Variants in CDC42 observed in about 807,000 individuals in gnomAD.
CDC42 encodes the protein cell division control protein 42 homolog.
In CDC42, 1 loss-of-function variant was observed where a neutral mutation model predicts 20.8. The observed-to-expected ratio is 0.05, with a 90% CI of 0.02 to 0.23. The LOEUF is 0.23. Among genes scored for constraint, CDC42 ranks in the 10% least tolerant of loss-of-function variants. CDC42 has a pLI of 1.00. For missense variants in CDC42, 49 were observed against 227.9 expected (o/e 0.21, Z 5.05); for synonymous variants, 72 against 84.8 (o/e 0.85, Z 0.83).
chr1:22,084,335 GTT>G (rs61584354), intron 3 of CDC42, among the ~76,000 whole-genome samples: 349 of 80,666 alleles, frequency 4.3e-3, no homozygotes, highest in African/African-American at 0.012. Context: ...CTTATTTCCT[GTT>G]TTTTTTTTTT....
chr1:22,098,946 A>G lies in CDC42; in HGVS notation c.*7429A>G, dbSNP rs569091569. ...GCTCATTTTTGCATTTTGTGTAGAG[A>G]GGGGGTTTTGCCATTTTACCCAGGC... On this transcript the variant is annotated 3_prime_UTR_variant, in exon 6 of 6. Transcript: ENST00000656825. 1.3e-5 allele frequency among the ~76,000 whole-genome samples: 2 copies of G among 151,950 alleles called. No homozygotes were observed. Among genetic ancestry groups the G allele is most frequent in the Admixed American group, 1.3e-4 (2 of 15,254 alleles).
At chr1:22,090,201 T>C in intron 5 of CDC42, 1 of 1,288,894 alleles carries the variant, frequency 7.8e-7, no homozygotes, top group Non-Finnish European at 9.9e-7. Context: ...CAATATCATA[T>C]AAATTTTTTG....
Position 22,068,572 on chromosome 1 carries a change from AT to A in CDC42, c.-50-9854del, listed in dbSNP as rs772121482. The A allele has an allele frequency of 3.9e-5, 6 of 152,740 alleles. No homozygotes were observed. In the Admixed American group the frequency reaches 3.9e-4, roughly 10 times the overall value. The allele number at this position is 152,740 out of a possible 1,614,324, so 9.5% of individuals were successfully genotyped here. A position where few individuals can be genotyped will look rare whatever the true frequency, so the allele number is the denominator to read the frequency against. ...TTCTTAGTATTCACCTGAAGCACTA[AT>A]TTCTCAACCTCAGGAGTAAATCTGA... On this transcript the variant is annotated intron_variant, in intron 1 of 5. Transcript: ENST00000656825.
intron 5 of CDC42, chr1:22,090,511 C>CCTTTGTGCGGTGAAA: frequency 1.0e-6 from 1 of 987,212 alleles, no homozygotes; most frequent in African/African-American, 1.7e-5. Flanking sequence ...TTCTGGTTTT[C>CCTTTGTGCGGTGAAA]CTTTGTGCGG....
Position 22,093,801 on chromosome 1 carries a change from T to C in CDC42, c.*2284T>C, listed in dbSNP as rs1570053424. On this transcript the variant is annotated 3_prime_UTR_variant, in exon 6 of 6. Transcript: ENST00000656825. ...AGGGACATATGTATCCTTAGTGTAGTCAGGGGCGTATAGGTCCTTGACTAT... is the reference window on the plus strand; with the variant it reads ...AGGGACATATGTATCCTTAGTGTAGCCAGGGGCGTATAGGTCCTTGACTAT... Among the ~76,000 whole-genome samples, 1 of 152,210 alleles carries C rather than the reference T, an allele frequency of 6.6e-6. No homozygotes were observed. The highest frequency in any genetic ancestry group is 2.4e-5 in the African/African-American group (1 of 41,446).
At chr1:22,072,761 A>T (rs563155179) in intron 1 of CDC42, among the ~76,000 whole-genome samples, 37 of 152,242 alleles carry the variant, frequency 2.4e-4, no homozygotes, top group African/African-American at 8.7e-4. Context: ...AAAACAAGAG[A>T]CACTCAGCAC....
At chr1:22,069,525 A>G (rs1042798786) in intron 1 of CDC42, among the ~76,000 whole-genome samples, 3 of 146,118 alleles carry the variant, frequency 2.1e-5, no homozygotes, top group Middle Eastern at 4.4e-3. Context: ...TGGTGTGACT[A>G]CAGCTCACTG....
In CDC42 at chr1:22,081,800, A is replaced by C. The variant is rs1364077559; in HGVS notation, c.178+6A>C. On this transcript the variant is annotated splice_donor_region_variant and intron_variant, in intron 3 of 5. Coordinates refer to ENST00000656825, the MANE Select transcript of CDC42 (RefSeq NM_001791.4). ...TGGACTTTTTGATACTGCAGGTGAA[A>C]ACTTAATGTCTTTTATACTGTTTTG... is the stretch of plus-strand genomic sequence containing the variant. 6 of 1,564,482 alleles carry C rather than the reference A, an allele frequency of 3.8e-6. No homozygotes were observed. Among genetic ancestry groups the C allele is most frequent in the African/African-American group, 1.4e-5 (1 of 73,860 alleles).
chr1:22,061,204 C>T (rs907338394), intron 1 of CDC42, among the ~76,000 whole-genome samples: 4 of 151,954 alleles, frequency 2.6e-5, no homozygotes, highest in South Asian at 2.1e-4. Context: ...GTCAGGAGTT[C>T]GAGACCAGCC....
At chr1:22,087,180 AT>A (rs1293234218) in intron 5 of CDC42, among the ~76,000 whole-genome samples, 334 of 146,930 alleles carry the variant, frequency 2.3e-3, no homozygotes, top group African/African-American at 5.5e-3. Context: ...GATGTGAATG[AT>A]TTTTTTTTTT....
At chr1:22,089,235 G>A (rs571972611) in intron 5 of CDC42, among the ~76,000 whole-genome samples, 8 of 152,312 alleles carry the variant, frequency 5.3e-5, no homozygotes, top group Admixed American at 4.6e-4. Flanking sequence ...TGGCTGAGGT[G>A]TAAGTGTATT....
intron 1 of CDC42, among the ~76,000 whole-genome samples, chr1:22,056,067 A>AT (rs1645301970): frequency 6.6e-6 from 1 of 152,140 alleles, no homozygotes; most frequent in Non-Finnish European, 1.5e-5. Context: ...TCCTCATTAG[A>AT]TTGTAAGTTC....
chr1:22,081,430 T>A (rs560211938), intron 2 of CDC42, among the ~76,000 whole-genome samples: 10 of 152,358 alleles, frequency 6.6e-5, no homozygotes, highest in Admixed American at 2.0e-4. Context: ...TTGAACAGGT[T>A]CATTTTGTGT....
chr1:22,081,750 T>C lies in CDC42; in HGVS notation c.134T>C (p.Met45Thr). 1.9e-6 allele frequency: 3 copies of C among 1,612,696 alleles called. No homozygotes were observed. The highest frequency in any genetic ancestry group is 2.5e-6 in the Non-Finnish European group (3 of 1,178,846). Residue 45 changes from methionine (M) to threonine (T), a missense_variant, in exon 3 of 6, where the codon ATG (methionine) becomes ACG (threonine). By Grantham distance (81) the Met-to-Thr change is moderately conservative. Coordinates refer to ENST00000656825, the MANE Select transcript of CDC42 (RefSeq NM_001791.4). ...TTTGACAACTATGCAGTCACAGTTA[T>C]GATTGGTGGAGAACCATATACTCTT... is the stretch of plus-strand genomic sequence containing the variant. ...TVFDNYAVTV[M>T]IGGEPYTLGL...
chr1:22,057,731 C>CT (rs1336567559), intron 1 of CDC42, among the ~76,000 whole-genome samples: 168 of 140,712 alleles, frequency 1.2e-3, no homozygotes, highest in Middle Eastern at 3.9e-3. Context: ...TTTTTTTTTT[C>CT]TTTTTTTTTT....
intron 3 of CDC42, among the ~76,000 whole-genome samples, chr1:22,082,092 G>A (rs892126370): frequency 2.6e-5 from 4 of 152,144 alleles, no homozygotes; most frequent in African/African-American, 7.2e-5. Context: ...ACCTTGCAGA[G>A]AACTGGGGAC....
At chr1:22,082,875 A>ATTTTTTTTTTTTTTTTTTTTTTTTTTTT (rs3036839) in intron 3 of CDC42, among the ~76,000 whole-genome samples, 2 of 140,212 alleles carry the variant, frequency 1.4e-5, no homozygotes, top group Non-Finnish European at 3.0e-5. Flanking sequence ...CACAGAGAAA[A>ATTTTTTTTTTTTTTTTTTTTTTTTTTTT]TTTTTATTTT....
rs769827181 is a variant in CDC42, at chr1:22,091,569, G to A, written c.*52G>A. The stretch of plus-strand genomic sequence containing the variant: ...AGCTGGTGTCGGCATCATACTAAAA[G>A]CAATGTTTAAATCAAACTAAAGATT... On this transcript the variant is annotated 3_prime_UTR_variant, in exon 6 of 6. Transcript: ENST00000656825. 4.8e-6 allele frequency: 6 copies of A among 1,249,614 alleles called. No individual in the cohort carries two copies. Among genetic ancestry groups the A allele is most frequent in the African/African-American group, 1.5e-5 (1 of 66,164 alleles). 77.4% of individuals were successfully genotyped at this position (1,249,614 alleles called of 1,614,324 possible).
rs750018506 is a variant in CDC42, at chr1:22,086,557, A to G, written c.288+9A>G. 3.8e-6 allele frequency: 6 copies of G among 1,597,052 alleles called. No homozygotes were observed. The South Asian group carries it at 6.6e-5, about 18-fold the overall frequency. ...AAAACGTGAAAGAAAAGGTAAGCTGATCAGATACTCTTGCCCTAAGAAGAT... is the reference window on the plus strand; with the variant it reads ...AAAACGTGAAAGAAAAGGTAAGCTGGTCAGATACTCTTGCCCTAAGAAGAT... On this transcript the variant is annotated intron_variant, in intron 4 of 5. Coordinates refer to ENST00000656825, the MANE Select transcript of CDC42 (RefSeq NM_001791.4).
Sources: gnomAD v4.1 joint callset for allele counts (sites outside exome capture counted in the v4.1 genomes callset) on GRCh38, gnomAD v4.1.1 for gene constraint, MANE v1.5 for transcripts, NCBI Gene and HGNC (gene_info 2026-07-23, HGNC 2026-07-21) for gene names.